Variants in CSMD3 observed in about 807,000 individuals in gnomAD.
CSMD3 encodes the protein CUB and sushi domain-containing protein 3.
In CSMD3, 177 loss-of-function variants were observed where a neutral mutation model predicts 435.2. The ratio of observed to expected loss-of-function variants is 0.41; its 90% CI spans 0.36 to 0.46. CSMD3 has a LOEUF of 0.46. Among genes scored for constraint, CSMD3 ranks in the 20% least tolerant of loss-of-function variants. The pLI is 0.34. For missense variants in CSMD3, 4,265 were observed against 4,504.6 expected (o/e 0.95, Z 1.52); for synonymous variants, 1,656 against 1,520.5 (o/e 1.09, Z -2.07).
chr8:112,433,786 C>CTAATAATTA (rs1360460956), intron 32 of CSMD3, among the ~76,000 whole-genome samples: 3 of 151,580 alleles, frequency 2.0e-5, no homozygotes, highest in Admixed American at 2.0e-4. Flanking sequence ...TTTAATCAAG[C>CTAATAATTA]TAATAATTAT....
intron 10 of CSMD3, among the ~76,000 whole-genome samples, chr8:112,916,972 C>T (rs1459000): frequency 0.84 from 128,170 of 151,904 alleles, 54,267 homozygotes; most frequent in East Asian, 0.93. Context: ...TTTTAATAAA[C>T]ATGAGTTAGT....
chr8:112,315,728 A>G (rs1450963910), intron 47 of CSMD3, among the ~76,000 whole-genome samples: 1 of 151,874 alleles, frequency 6.6e-6, no homozygotes, highest in Non-Finnish European at 1.5e-5. Flanking sequence ...AACTGAATGA[A>G]TGGGTGAACT....
chr8:112,417,650 A>C (rs1250896664), intron 32 of CSMD3, among the ~76,000 whole-genome samples: 1 of 152,188 alleles, frequency 6.6e-6, no homozygotes, highest in African/African-American at 2.4e-5. Flanking sequence ...TTAAGACTTC[A>C]AGATGGCTAT....
intron 2 of CSMD3, 101 bp downstream of exon 2, chr8:113,314,470 T>G: frequency 1.3e-6 from 1 of 745,904 alleles, no homozygotes; most frequent in Non-Finnish European, 2.4e-6. Context: ...GAATACAACT[T>G]TATTATAATT....
chr8:113,299,689 G>C (rs1054914665), intron 2 of CSMD3, among the ~76,000 whole-genome samples: 1 of 151,668 alleles, frequency 6.6e-6, no homozygotes, highest in Non-Finnish European at 1.5e-5. Context: ...AGTCAGAATT[G>C]CCATTTTTAA....
At chr8:112,569,564 T>C (rs1829333922) in intron 24 of CSMD3, among the ~76,000 whole-genome samples, 2 of 152,112 alleles carry the variant, frequency 1.3e-5, no homozygotes, top group Non-Finnish European at 2.9e-5. Context: ...CTCAGCCAAA[T>C]GCAGTTTTAT....
intron 5 of CSMD3, among the ~76,000 whole-genome samples, chr8:113,063,934 T>G (rs1037884318): frequency 6.6e-6 from 1 of 151,702 alleles, no homozygotes; most frequent in Non-Finnish European, 1.5e-5. Context: ...ATAAAATTCC[T>G]TTAATATATT....
At chr8:112,375,584 T>C (rs963090076) in intron 38 of CSMD3, among the ~76,000 whole-genome samples, 5 of 152,108 alleles carry the variant, frequency 3.3e-5, no homozygotes, top group African/African-American at 1.2e-4. Flanking sequence ...TTTTCTCATT[T>C]ATTAAAAATA....
At chr8:112,978,037 A>G (rs1255121730) in intron 6 of CSMD3, among the ~76,000 whole-genome samples, 1 of 152,036 alleles carries the variant, frequency 6.6e-6, no homozygotes, top group African/African-American at 2.4e-5. Flanking sequence ...AACCTGATCC[A>G]TATTGTCCTC....
intron 13 of CSMD3, among the ~76,000 whole-genome samples, chr8:112,740,759 T>C (rs2077287802): frequency 6.6e-6 from 1 of 151,830 alleles, no homozygotes; most frequent in South Asian, 2.1e-4. Flanking sequence ...AGACTGAATG[T>C]CTTTGCAGAG....
intron 66 of CSMD3, 60 bp downstream of exon 66, chr8:112,241,660 G>T (rs1814158518): frequency 1.7e-6 from 2 of 1,160,628 alleles, no homozygotes; most frequent in Non-Finnish European, 2.6e-6. Flanking sequence ...ACTATGCCAA[G>T]AAAATAGTAG....
intron 31 of CSMD3, among the ~76,000 whole-genome samples, chr8:112,478,331 T>C (rs1290030251): frequency 6.6e-6 from 1 of 151,980 alleles, no homozygotes; most frequent in Non-Finnish European, 1.5e-5. Flanking sequence ...CCTCAGAAGA[T>C]AGAAAGATAA....
At chr8:112,666,079 A>C (rs2075516841) in intron 17 of CSMD3, among the ~76,000 whole-genome samples, 198 bp downstream of exon 17, 2 of 152,282 alleles carry the variant, frequency 1.3e-5, no homozygotes, top group Admixed American at 1.3e-4. Flanking sequence ...AATAGTACTG[A>C]TACAGCATTA....
intron 28 of CSMD3, among the ~76,000 whole-genome samples, chr8:112,512,766 G>A (rs1563641097): frequency 1.3e-5 from 2 of 152,198 alleles, no homozygotes; most frequent in African/African-American, 2.4e-5. Flanking sequence ...GAAAGTTCTA[G>A]ATGACACTAT....
chr8:112,547,661 A>T (rs1002788405), intron 27 of CSMD3, among the ~76,000 whole-genome samples: 3 of 152,296 alleles, frequency 2.0e-5, no homozygotes, highest in Middle Eastern at 3.4e-3. Context: ...CATGAGCTAG[A>T]ATAGTAAGAA....
chr8:113,087,438 T>C (rs562649315), intron 5 of CSMD3, among the ~76,000 whole-genome samples: 136 of 151,996 alleles, frequency 8.9e-4, no homozygotes, highest in African/African-American at 3.2e-3. Context: ...GGAGGCATCA[T>C]GCTACCTGAC....
chr8:112,391,565 G>C (rs949626602), intron 35 of CSMD3, among the ~76,000 whole-genome samples: 1 of 152,012 alleles, frequency 6.6e-6, no homozygotes, highest in Non-Finnish European at 1.5e-5. Context: ...GATGGTGGGC[G>C]CCTGTAGTCC....
At chr8:112,649,989 A>G (rs1357250693) in intron 19 of CSMD3, among the ~76,000 whole-genome samples, 172 bp downstream of exon 19, 1 of 152,182 alleles carries the variant, frequency 6.6e-6, no homozygotes, top group Admixed American at 6.5e-5. Flanking sequence ...AGTTTGGCTG[A>G]TTAGCAATAG....
chr8:112,436,048 A>C (rs917575257), intron 32 of CSMD3, among the ~76,000 whole-genome samples: 4 of 152,010 alleles, frequency 2.6e-5, no homozygotes, highest in East Asian at 1.9e-4. Flanking sequence ...AATGACTTCC[A>C]GTCTAACATA....
Sources: allele counts gnomAD v4.1 joint callset (sites outside exome capture counted in the v4.1 genomes callset), GRCh38; gene constraint gnomAD v4.1.1; transcripts MANE v1.5; gene names NCBI Gene and HGNC (gene_info 2026-07-23, HGNC 2026-07-21).